RANBP2: variants seen among roughly 807,000 people sequenced by gnomAD.
RANBP2 encodes E3 SUMO-protein ligase RanBP2.
RANBP2 carries 57 observed loss-of-function variants against 303.6 expected under a neutral mutation model. That is an observed-to-expected ratio of 0.19 (90% confidence interval 0.15 to 0.23). RANBP2 has a LOEUF of 0.23. Among genes scored for constraint, RANBP2 ranks in the 10% least tolerant of loss-of-function variants. The pLI, the probability that RANBP2 is intolerant of heterozygous loss-of-function variation, is 1.00. For synonymous variants in RANBP2, 1,167 were observed against 1,301.5 expected, an observed-to-expected ratio of 0.90 and a Z score of 2.23; for missense variants, 3,138 against 3,780.8, an observed-to-expected ratio of 0.83 and a Z score of 4.46.
chr2:109,093,436 A>G, the RANBP2 span, among the ~76,000 whole-genome samples: 2 of 151,606 alleles, frequency 1.3e-5, no homozygotes, highest in Non-Finnish European at 1.5e-5. Flanking sequence ...GAAAGAAAAA[A>G]AAAGAAAAAA....
chr2:108,976,239 C>G, the RANBP2 span, among the ~76,000 whole-genome samples: 1 of 152,180 alleles, frequency 6.6e-6, no homozygotes, highest in East Asian at 1.9e-4. Flanking sequence ...TTTGATGACT[C>G]AGAAGTTTTG....
At chr2:109,515,552 G>C in the RANBP2 span, among the ~76,000 whole-genome samples, 3 of 152,052 alleles carry the variant, frequency 2.0e-5, no homozygotes, top group African/African-American at 7.2e-5. Context: ...AGGACCTCAG[G>C]AGAGCGCCTC....
chr2:109,019,017 A>C, the RANBP2 span, among the ~76,000 whole-genome samples: 3 of 152,232 alleles, frequency 2.0e-5, no homozygotes, highest in African/African-American at 7.2e-5. Context: ...GTGTGATTGT[A>C]GTCACAGAGG....
chr2:109,615,059 C>T, the RANBP2 span: 3 of 1,549,108 alleles, frequency 1.9e-6, no homozygotes, highest in African/African-American at 2.7e-5. Context: ...ACAGGGGCAG[C>T]TCCCTTGTGG....
chr2:108,753,099 G>A lies in RANBP2; in HGVS notation c.1857G>A (p.Lys619=). 6.2e-7 allele frequency: 1 copy of A among 1,610,352 alleles called. No homozygotes were observed. The highest frequency in any genetic ancestry group is 8.5e-7 in the Non-Finnish European group (1 of 1,179,140). The change falls in exon 13 of 29, where the codon AAG becomes AAA. Residue 619 remains lysine, a synonymous_variant. Transcript: ENST00000283195. ...VLPLLKIIKK[K]NSIPEPIDPL... is the part of the protein sequence containing the mutation. ...CATTGTTGAAGATAATAAAAAAGAA[G>A]AACAGTATTCCTGAACCTATTGATC... is the stretch of plus-strand genomic sequence containing the variant.
the RANBP2 span, among the ~76,000 whole-genome samples, chr2:109,212,069 G>A: frequency 3.2e-4 from 49 of 152,354 alleles, no homozygotes; most frequent in South Asian, 6.2e-4. Context: ...GGGAGATAGC[G>A]AAACTTGGAA....
At chr2:109,302,147 G>T in the RANBP2 span, among the ~76,000 whole-genome samples, 1 of 152,204 alleles carries the variant, frequency 6.6e-6, no homozygotes, top group Non-Finnish European at 1.5e-5. Flanking sequence ...AGACTGCTCT[G>T]TTGAACACGG....
the RANBP2 span, chr2:109,491,052 T>C: frequency 6.1e-6 from 6 of 985,906 alleles, no homozygotes; most frequent in Non-Finnish European, 5.5e-6. Context: ...TTACCAGATG[T>C]ACCTCAACAC....
At chr2:109,228,627 C>G in the RANBP2 span, among the ~76,000 whole-genome samples, 1 of 152,172 alleles carries the variant, frequency 6.6e-6, no homozygotes, top group Non-Finnish European at 1.5e-5. Context: ...TTCAGGTTAC[C>G]TGGAACTTCT....
At chr2:109,577,507 G>C in the RANBP2 span, among the ~76,000 whole-genome samples, 9 of 151,712 alleles carry the variant, frequency 5.9e-5, no homozygotes, top group African/African-American at 2.2e-4. Context: ...CAGGAGAACT[G>C]CTGGAGTGCA....
At chr2:109,240,449 C>T in the RANBP2 span, among the ~76,000 whole-genome samples, 1 of 152,166 alleles carries the variant, frequency 6.6e-6, no homozygotes. Flanking sequence ...GATCGCACCT[C>T]TGCACTCCAG....
chr2:109,408,625 G>A, the RANBP2 span, among the ~76,000 whole-genome samples: 1 of 152,348 alleles, frequency 6.6e-6, no homozygotes, highest in Middle Eastern at 3.4e-3. Flanking sequence ...TTCCCTCTCT[G>A]TACAGGCAAT....
At chr2:109,614,673 G>C in the RANBP2 span, 1 of 1,484,542 alleles carries the variant, frequency 6.7e-7, no homozygotes. Flanking sequence ...GCTGGTGAAC[G>C]CCGTGGCCAC....
chr2:109,662,802 A>C, the RANBP2 span, among the ~76,000 whole-genome samples: 1 of 152,152 alleles, frequency 6.6e-6, no homozygotes, highest in Non-Finnish European at 1.5e-5. Flanking sequence ...GAGGATGTGA[A>C]CTAAAGCAGT....
At position 108,719,594 on chromosome 2, in the gene RANBP2, G is replaced by A. The variant is rs900109325; in HGVS notation, c.-13G>A. On this transcript the variant is annotated 5_prime_UTR_variant, in exon 1 of 29. Coordinates refer to ENST00000283195, the MANE Select transcript of RANBP2 (RefSeq NM_006267.5). The stretch of plus-strand genomic sequence containing the variant: ...CTGGTCTCACGCGCCTCGGGAGCCA[G>A]GTTGGCGGCGCGATGAGGCGCAGCA... The A allele has an allele frequency of 4.4e-6, 7 of 1,601,740 alleles. No individual in the cohort carries two copies. The African/African-American group carries it at 9.4e-5, about 21-fold the overall frequency.
rs924543724 is a variant in RANBP2, at chr2:108,784,567, G to A, written c.*666G>A. 1 of 152,552 alleles carries A rather than the reference G, an allele frequency of 6.6e-6. No individual in the cohort carries two copies. Among genetic ancestry groups the A allele is most frequent in the Non-Finnish European group, 1.5e-5 (1 of 68,034 alleles). The allele number at this position is 152,552 out of a possible 1,614,324, so 9.4% of individuals were successfully genotyped here. On this transcript the variant is annotated 3_prime_UTR_variant, in exon 29 of 29. Coordinates refer to ENST00000283195, the MANE Select transcript of RANBP2 (RefSeq NM_006267.5). Reference sequence around the variant, plus strand: ...AACAAGTTGACTATTTCCTTTAGGGGTTTTGTTTCAAACTTTTCTGTCATC... The same window carrying A: ...AACAAGTTGACTATTTCCTTTAGGGATTTTGTTTCAAACTTTTCTGTCATC...
the RANBP2 span, among the ~76,000 whole-genome samples, chr2:109,432,842 T>G: frequency 6.6e-6 from 1 of 152,282 alleles, no homozygotes; most frequent in Non-Finnish European, 1.5e-5. Context: ...TTTCACCTTC[T>G]GAGCTGGGTT....
At chr2:109,613,920 G>C in the RANBP2 span, 98 of 1,220,144 alleles carry the variant, frequency 8.0e-5, no homozygotes, top group Non-Finnish European at 9.7e-5. Flanking sequence ...GAGGGCAGAA[G>C]CAACGGGCGG....
the RANBP2 span, among the ~76,000 whole-genome samples, chr2:109,637,081 G>A: frequency 6.6e-6 from 1 of 151,116 alleles, no homozygotes; most frequent in East Asian, 1.9e-4. Flanking sequence ...GTGATAATAA[G>A]GAGGTCAGCA....
Sources: allele counts gnomAD v4.1 joint callset (sites outside exome capture counted in the v4.1 genomes callset), GRCh38; gene constraint gnomAD v4.1.1; transcripts MANE v1.5; gene names NCBI Gene and HGNC (gene_info 2026-07-23, HGNC 2026-07-21).